The following UTP20 variants were observed in gnomAD, a reference collection of about 807,000 sequenced individuals.
The protein encoded by UTP20 is UTP20 small subunit processome component, also known as small subunit processome component 20 homolog.
A neutral mutation model predicts 329.5 loss-of-function variants in UTP20; 164 were observed. That is an observed-to-expected ratio of 0.50 (90% CI 0.44 to 0.57). The LOEUF (loss-of-function observed/expected upper bound fraction) is 0.57. Among genes scored for constraint, UTP20 ranks in the 20% least tolerant of loss-of-function variants. The probability of loss-of-function intolerance (pLI) is 0.00; values close to 1 mark genes in which losing one functional copy is unlikely to be tolerated. For synonymous variants in UTP20, 1,151 were observed against 1,159.3 expected, an observed-to-expected ratio of 0.99 and a Z score of 0.14; for missense variants, 3,055 against 3,284.2, an observed-to-expected ratio of 0.93 and a Z score of 1.71.
Position 101,369,746 on chromosome 12 carries a change from T to A in UTP20, c.6410T>A (p.Leu2137His). Residue 2137 changes from leucine (L) to histidine (H), a missense_variant, in exon 49 of 62, where the codon CTC becomes CAC. Physicochemically the swap from Leu to His is moderately conservative, Grantham distance 99. Coordinates refer to ENST00000261637, the MANE Select transcript of UTP20 (RefSeq NM_014503.3). ...VKVITGALQC[L>H]IWVLRFPLPS... ...GTGATCACAGGTGCTTTACAGTGCC[T>A]CATCTGGGTCTTGAGGTTCCCGCTA... 6.3e-7 allele frequency: 1 copy of A among 1,592,012 alleles called. No homozygotes were observed. The highest frequency in any genetic ancestry group is 1.1e-5 in the South Asian group (1 of 90,608).
chr12:101,321,051 T>G, intron 24 of UTP20, 114 bp downstream of exon 24: 2 of 905,234 alleles, frequency 2.2e-6, no homozygotes. Context: ...CCCTTTTTTC[T>G]GAGGTCATCG....
Position 101,344,702 on chromosome 12 carries a change from C to G in UTP20, c.4557C>G (p.His1519Gln). ...AGAAAGACTATAGAGAAATCATCCACCGTTCACTCCTGGAGAAATTGAGAA... is the reference window on the plus strand; with the variant it reads ...AGAAAGACTATAGAGAAATCATCCAGCGTTCACTCCTGGAGAAATTGAGAA... ...VTEKDYREIIHRSLLEKLRKG... is the reference protein window; with the variant it reads ...VTEKDYREIIQRSLLEKLRKG... Residue 1519 changes from histidine (H) to glutamine (Q), a missense_variant, in exon 36 of 62, where the codon CAC (histidine) becomes CAG (glutamine). By Grantham distance (24) the His-to-Gln change is conservative (BLOSUM62 0). Transcript: ENST00000261637. 2 of 1,613,712 alleles carry G rather than the reference C, an allele frequency of 1.2e-6. No homozygotes were observed. The highest frequency in any genetic ancestry group is 1.7e-6 in the Non-Finnish European group (2 of 1,179,658).
At chr12:101,291,931 A>AAGG (rs745417825) in intron 9 of UTP20, 39 bp from the exon 10 acceptor site, 102 of 1,606,894 alleles carry the variant, frequency 6.3e-5, no homozygotes, top group Non-Finnish European at 8.6e-5. Flanking sequence ...GGTTTTTAAA[A>AAGG]GCTGATTGCT....
chr12:101,298,328 G>C (rs1300631390), intron 12 of UTP20, among the ~76,000 whole-genome samples: 1 of 152,084 alleles, frequency 6.6e-6, no homozygotes, highest in East Asian at 1.9e-4. Context: ...AATGGAGAGG[G>C]GTCACTTTCC....
Position 101,338,035 on chromosome 12 carries a change from A to G in UTP20, c.3642-16A>G, listed in dbSNP as rs1358260273. 6.2e-7 allele frequency: 1 copy of G among 1,610,768 alleles called. No homozygotes were observed. Among genetic ancestry groups the G allele is most frequent in the Non-Finnish European group, 8.5e-7 (1 of 1,177,206 alleles). ...TATTGAGAATAAGATGATTACTACA[A>G]TGTTTTTTCTTCCAGATATTTCCCT... On this transcript the variant is annotated splice_polypyrimidine_tract_variant and intron_variant, in intron 29 of 61. Transcript: ENST00000261637.
rs757941752 is a variant in UTP20, at chr12:101,342,861, G to A, written c.4296+24G>A. 4.3e-6 allele frequency: 7 copies of A among 1,610,442 alleles called. No homozygotes were observed. The South Asian group carries it at 6.7e-5, about 15-fold the overall frequency. ...AGGTAAGAAAGAAGGGTTTCTCTTT[G>A]GCTTCAAAAGTATTATCATTTTTGT... is the stretch of plus-strand genomic sequence containing the variant. On this transcript the variant is annotated intron_variant, in intron 34 of 61. Transcript: ENST00000261637.
chr12:101,385,366 C>G (rs533577636), intron 60 of UTP20, among the ~76,000 whole-genome samples: 1 of 152,092 alleles, frequency 6.6e-6, no homozygotes, highest in Admixed American at 6.6e-5. Context: ...TTGCTGGTTT[C>G]CCCATCCCAG....
At chr12:101,382,195 A>G (rs1870669875) in intron 58 of UTP20, among the ~76,000 whole-genome samples, 1 of 152,158 alleles carries the variant, frequency 6.6e-6, no homozygotes, top group Non-Finnish European at 1.5e-5. Flanking sequence ...TCTCGAGGCC[A>G]GGAGTTCAAG....
chr12:101,302,455 A>G lies in UTP20; in HGVS notation c.1683A>G (p.Leu561=), dbSNP rs745700836. ...VDKGSFGKGN[L]FVLCQAVNTL... ...CTGTTTTTCTGCCCTTAGGAAACTT[A>G]TTTGTTCTTTGTCAAGCTGTAAATA... The change falls in exon 15 of 62, where the codon TTA becomes TTG. Residue 561 remains leucine, a synonymous_variant. Transcript: ENST00000261637. 1.2e-6 allele frequency: 2 copies of G among 1,600,946 alleles called. No homozygotes were observed. The highest frequency in any genetic ancestry group is 3.5e-5 in the Admixed American group (2 of 57,522).
At chr12:101,351,277 C>T (rs1186446578) in intron 38 of UTP20, among the ~76,000 whole-genome samples, 1 of 152,094 alleles carries the variant, frequency 6.6e-6, no homozygotes, top group Non-Finnish European at 1.5e-5. Context: ...CAGGTGCACA[C>T]CACCATGCCC....
At chr12:101,343,480 C>T (rs1869216185) in intron 35 of UTP20, among the ~76,000 whole-genome samples, 1 of 152,120 alleles carries the variant, frequency 6.6e-6, no homozygotes, top group South Asian at 2.1e-4. Flanking sequence ...GATGATCACA[C>T]AACCTCGTGA....
intron 12 of UTP20, 27 bp from the exon 13 acceptor site, chr12:101,299,655 T>C (rs773556494): frequency 2.0e-5 from 31 of 1,544,354 alleles, no homozygotes; most frequent in Non-Finnish European, 2.7e-5. Flanking sequence ...TTCTCTGTTA[T>C]TTTAAACATT....
chr12:101,344,841 AGG>A lies in UTP20; in HGVS notation c.4605+92_4605+93del. 3 of 1,095,796 alleles carry A rather than the reference AGG, an allele frequency of 2.7e-6. No homozygotes were observed. In the Admixed American group the frequency reaches 6.5e-5, roughly 24 times the overall value. 67.9% of individuals were successfully genotyped at this position (1,095,796 alleles called of 1,614,324 possible). On this transcript the variant is annotated intron_variant, in intron 36 of 61. Transcript: ENST00000261637. ...GCTACTGTTGTATAGAAAAGTAGTC[AGG>A]CTTAGTGCATTTAATGAGAATACTT... is the stretch of plus-strand genomic sequence containing the variant.
In UTP20 at chr12:101,379,541, A is replaced by C. The variant is rs779157503; in HGVS notation, c.7567A>C (p.Ser2523Arg). Residue 2523 changes from serine (S) to arginine (R), a missense_variant, in exon 57 of 62, where the codon AGT becomes CGT. Transcript: ENST00000261637. Reference protein sequence around the residue: ...PEPVAIKFLASDLDQKMKSIS... With the variant: ...PEPVAIKFLARDLDQKMKSIS... ...ACCTGTAGCAATCAAGTTCCTAGCCAGTGACCTTGACCAAAAGGTAAGCTT... is the reference window on the plus strand; with the variant it reads ...ACCTGTAGCAATCAAGTTCCTAGCCCGTGACCTTGACCAAAAGGTAAGCTT... The C allele has an allele frequency of 6.2e-7, 1 of 1,612,374 alleles. No individual in the cohort carries two copies. The highest frequency in any genetic ancestry group is 1.1e-5 in the South Asian group (1 of 90,894).
intron 15 of UTP20, among the ~76,000 whole-genome samples, chr12:101,303,808 C>A (rs1872587035): frequency 6.6e-6 from 1 of 152,200 alleles, no homozygotes; most frequent in African/African-American, 2.4e-5. Flanking sequence ...CTATAATAAT[C>A]TGGAATCTCT....
intron 43 of UTP20, among the ~76,000 whole-genome samples, chr12:101,357,701 C>T (rs1217068548): frequency 6.6e-6 from 1 of 152,218 alleles, no homozygotes; most frequent in Non-Finnish European, 1.5e-5. Context: ...CTGCAGTGAG[C>T]TGTGATCATG....
chr12:101,366,584 C>T lies in UTP20; in HGVS notation c.6152C>T (p.Pro2051Leu). The T allele has an allele frequency of 6.2e-7, 1 of 1,614,054 alleles. No individual in the cohort carries two copies. Among genetic ancestry groups the T allele is most frequent in the Non-Finnish European group, 8.5e-7 (1 of 1,179,986 alleles). ...EKNPVAPAPD[P>L]RLPPQSCLLL... Reference sequence around the variant, plus strand: ...AATCCAGTAGCCCCAGCACCAGATCCACGTCTACCACCCCAGAGCTGCCTT... The same window carrying T: ...AATCCAGTAGCCCCAGCACCAGATCTACGTCTACCACCCCAGAGCTGCCTT... Residue 2051 changes from proline (P) to leucine (L), a missense_variant, in exon 47 of 62, where the codon CCA (proline) becomes CTA (leucine). Around this residue, in one of 3 missense-constraint regions of UTP20, gnomAD observed 2,445 missense variants for 2,575.5 expected, o/e 0.95. Transcript: ENST00000261637.
intron 18 of UTP20, among the ~76,000 whole-genome samples, chr12:101,308,578 A>T (rs1439236656): frequency 6.6e-6 from 1 of 151,822 alleles, no homozygotes; most frequent in Non-Finnish European, 1.5e-5. Context: ...GTACCTGGCC[A>T]TGTTAGTACC....
intron 36 of UTP20, among the ~76,000 whole-genome samples, chr12:101,345,245 A>G (rs1301278893): frequency 6.6e-6 from 1 of 151,718 alleles, no homozygotes; most frequent in African/African-American, 2.4e-5. Flanking sequence ...ATGCCTGGCC[A>G]CCAGTCACTT....
Sources: gnomAD v4.1 joint callset for allele counts (sites outside exome capture counted in the v4.1 genomes callset) on GRCh38, gnomAD v4.1.1 for gene constraint, gnomAD v4.1.1 regional missense constraint, MANE v1.5 for transcripts, NCBI Gene and HGNC (gene_info 2026-07-23, HGNC 2026-07-21) for gene names.